The following LGSN variants were observed in gnomAD, a reference collection of about 807,000 sequenced individuals.
LGSN encodes the protein lengsin.
In LGSN, 21 loss-of-function variants were observed where a neutral mutation model predicts 19.5. That is an observed-to-expected ratio of 1.07 (90% CI 0.76 to 1.55). LGSN has a LOEUF of 1.55. Ranked by LOEUF, LGSN falls within the 40% of genes most tolerant of loss-of-function variation. LGSN has a pLI of 0.00. For missense variants in LGSN, 673 were observed against 608.5 expected, an observed-to-expected ratio of 1.11 and a Z score of -1.12; for synonymous variants, 257 against 215.6, an observed-to-expected ratio of 1.19 and a Z score of -1.68.
chr6:63,385,897 C>T, the LGSN span, among the ~76,000 whole-genome samples: 10 of 152,072 alleles, frequency 6.6e-5, no homozygotes, highest in Admixed American at 6.6e-5. Flanking sequence ...CCTGAAGGAC[C>T]GATACCCAAT....
the LGSN span, among the ~76,000 whole-genome samples, chr6:63,478,494 A>T: frequency 6.6e-6 from 1 of 152,192 alleles, no homozygotes; most frequent in Non-Finnish European, 1.5e-5. Flanking sequence ...CTGAAAAAAA[A>T]AAATCTAAAT....
At chr6:63,534,781 C>CTAAAGAATTTATTTAGTAAAGAATTTCA in the LGSN span, among the ~76,000 whole-genome samples, 1 of 137,748 alleles carries the variant, frequency 7.3e-6, no homozygotes, top group African/African-American at 2.9e-5. Flanking sequence ...AATTTCTTTA[C>CTAAAGAATTTATTTAGTAAAGAATTTCA]TAAAGAATTT....
At chr6:63,339,810 T>C in the LGSN span, among the ~76,000 whole-genome samples, 1 of 152,166 alleles carries the variant, frequency 6.6e-6, no homozygotes, top group Non-Finnish European at 1.5e-5. Context: ...AATGATAACT[T>C]GATTTGTTTC....
At chr6:63,518,457 T>C in the LGSN span, among the ~76,000 whole-genome samples, 2 of 152,196 alleles carry the variant, frequency 1.3e-5, no homozygotes, top group Non-Finnish European at 2.9e-5. Flanking sequence ...GGAGTAGCAA[T>C]GGAATCCAAC....
At chr6:63,320,225 T>C (rs1051307323), upstream of LGSN, among the ~76,000 whole-genome samples, 1 of 152,198 alleles carries the variant, frequency 6.6e-6, no homozygotes, top group Non-Finnish European at 1.5e-5. Flanking sequence ...ATTGTGTTGG[T>C]TGATTTTTTT....
At chr6:63,316,621 G>A (rs1485269811) in intron 1 of LGSN, among the ~76,000 whole-genome samples, 2 of 152,014 alleles carry the variant, frequency 1.3e-5, no homozygotes, top group African/African-American at 4.8e-5. Flanking sequence ...ATTTTTTAGA[G>A]AAATTAAGAT....
chr6:63,355,552 T>G, the LGSN span, among the ~76,000 whole-genome samples: 4 of 152,172 alleles, frequency 2.6e-5, no homozygotes, highest in African/African-American at 9.7e-5. Context: ...TCAATCAAAG[T>G]GTCCACAGAG....
the LGSN span, among the ~76,000 whole-genome samples, chr6:63,392,803 A>G: frequency 6.6e-6 from 1 of 151,750 alleles, no homozygotes; most frequent in Non-Finnish European, 1.5e-5. Context: ...AATGAAGAGC[A>G]GTCTGTAAAA....
chr6:63,414,813 G>A, the LGSN span, among the ~76,000 whole-genome samples: 2 of 152,154 alleles, frequency 1.3e-5, no homozygotes, highest in African/African-American at 4.8e-5. Context: ...TACTCAGGAG[G>A]CTGAGGTGGA....
At chr6:63,464,207 T>C in the LGSN span, among the ~76,000 whole-genome samples, 1 of 152,118 alleles carries the variant, frequency 6.6e-6, no homozygotes, top group Admixed American at 6.6e-5. Context: ...GTGTTCTTTA[T>C]CATCTGTCAT....
At chr6:63,336,519 CTGTG>C in the LGSN span, among the ~76,000 whole-genome samples, 5,734 of 131,864 alleles carry the variant, frequency 0.043, 145 homozygotes, top group African/African-American at 0.061. Flanking sequence ...TATAGAATAT[CTGTG>C]TGTGTGTGTG....
the LGSN span, among the ~76,000 whole-genome samples, chr6:63,559,304 G>A: frequency 1.3e-5 from 2 of 152,176 alleles, no homozygotes; most frequent in Non-Finnish European, 2.9e-5. Flanking sequence ...CTTAAGTGGA[G>A]TTATTTGGGG....
chr6:63,297,113 G>GGGTGGATCACGA (rs1211828575), intron 1 of LGSN, among the ~76,000 whole-genome samples: 1 of 152,026 alleles, frequency 6.6e-6, no homozygotes, highest in African/African-American at 2.4e-5. Flanking sequence ...AGGCCAAGGC[G>GGGTGGATCACGA]GGTGGATCAC....
chr6:63,488,789 G>A, the LGSN span, among the ~76,000 whole-genome samples: 1 of 151,660 alleles, frequency 6.6e-6, no homozygotes. Context: ...CTGCACTCCA[G>A]CCTGGGCAAC....
the LGSN span, among the ~76,000 whole-genome samples, chr6:63,376,161 T>A: frequency 6.6e-6 from 1 of 152,190 alleles, no homozygotes; most frequent in Non-Finnish European, 1.5e-5. Flanking sequence ...TGCTTGCTAA[T>A]TGCGCTTACA....
At chr6:63,375,539 C>T in the LGSN span, among the ~76,000 whole-genome samples, 1 of 151,964 alleles carries the variant, frequency 6.6e-6, no homozygotes, top group African/African-American at 2.4e-5. Context: ...ATATATGAAG[C>T]AAAATATGAA....
At chr6:63,422,783 G>A in the LGSN span, among the ~76,000 whole-genome samples, 9 of 151,516 alleles carry the variant, frequency 5.9e-5, no homozygotes, top group Non-Finnish European at 1.2e-4. Flanking sequence ...AGGAAGACAG[G>A]GAAAAGAAAA....
Position 63,315,626 on chromosome 6 carries a change from G to C in LGSN, c.30+4288C>G, listed in dbSNP as rs566781933. 3.5e-3 allele frequency among the ~76,000 whole-genome samples: 506 copies of C among 145,320 alleles called. 5 individuals are homozygous for C. Among genetic ancestry groups the C allele is most frequent in the African/African-American group, 0.013 (478 of 36,570 alleles). Reference sequence around the variant, plus strand: ...GTTCTCTCTCTCTCTCTCTGTGTGTGTGTGTGTGTGTGTGTGTGTGTGTGT... The same window carrying C: ...GTTCTCTCTCTCTCTCTCTGTGTGTCTGTGTGTGTGTGTGTGTGTGTGTGT... On this transcript the variant is annotated intron_variant, in intron 1 of 3. Coordinates refer to ENST00000370657, the MANE Select transcript of LGSN (RefSeq NM_016571.3).
chr6:63,477,346 T>A, the LGSN span, among the ~76,000 whole-genome samples: 92 of 152,334 alleles, frequency 6.0e-4, 1 homozygote, highest in Non-Finnish European at 1.1e-3. Context: ...TCACATTTAA[T>A]CATTCTTCTT....
Sources: allele counts gnomAD v4.1 joint callset (sites outside exome capture counted in the v4.1 genomes callset), GRCh38; gene constraint gnomAD v4.1.1; transcripts MANE v1.5; gene names NCBI Gene and HGNC (gene_info 2026-07-23, HGNC 2026-07-21).